Variants in CHCHD6 observed in about 807,000 individuals in gnomAD.
CHCHD6 encodes the protein coiled-coil-helix-coiled-coil-helix domain containing 6.
In CHCHD6, 28 loss-of-function variants were observed where a neutral mutation model predicts 32.3. The observed-to-expected ratio is 0.87, with a 90% CI of 0.64 to 1.19. CHCHD6 has a LOEUF of 1.19. CHCHD6 is among the 50% of genes most tolerant of loss of function. The pLI is 0.00. For synonymous variants in CHCHD6, 122 were observed against 117.5 expected, an observed-to-expected ratio of 1.04 and a Z score of -0.25; for missense variants, 333 against 307.0, an observed-to-expected ratio of 1.08 and a Z score of -0.63.
In CHCHD6 at chr3:126,912,725, C is replaced by A. The variant is rs1266063413; in HGVS notation, c.496-1955C>A. 5.3e-5 allele frequency among the ~76,000 whole-genome samples: 8 copies of A among 152,358 alleles called. No homozygotes were observed. In the East Asian group the frequency reaches 1.5e-3, roughly 29 times the overall value. ...TGGTGGTTCTTCCTCATCACATGAG[C>A]CAGGTGCTCTTCCCCAGGGGCTCAC... On this transcript the variant is annotated intron_variant, in intron 5 of 7. Transcript: ENST00000290913.
intron 4 of CHCHD6, among the ~76,000 whole-genome samples, chr3:126,779,739 G>A (rs1937841655): frequency 6.6e-6 from 1 of 152,090 alleles, no homozygotes; most frequent in Non-Finnish European, 1.5e-5. Context: ...TGGCATGCTT[G>A]TTGAAAGTAA....
intron 5 of CHCHD6, among the ~76,000 whole-genome samples, chr3:126,898,310 G>T (rs142347185): frequency 1.3e-5 from 2 of 152,218 alleles, no homozygotes; most frequent in Admixed American, 6.5e-5. Flanking sequence ...TTATTCCCCA[G>T]CTGGGAAGTC....
chr3:126,754,714 C>G (rs1414936767), intron 4 of CHCHD6, among the ~76,000 whole-genome samples: 2 of 152,240 alleles, frequency 1.3e-5, no homozygotes, highest in Non-Finnish European at 2.9e-5. Flanking sequence ...CCTGATGTCT[C>G]TCTCCTTAGG....
intron 5 of CHCHD6, among the ~76,000 whole-genome samples, chr3:126,879,316 C>T (rs968070153): frequency 1.3e-5 from 2 of 152,172 alleles, no homozygotes. Context: ...GGAGACATTG[C>T]TGTGGCCATT....
At chr3:126,828,453 G>T (rs1421055955) in intron 4 of CHCHD6, among the ~76,000 whole-genome samples, 1 of 152,212 alleles carries the variant, frequency 6.6e-6, no homozygotes, top group East Asian at 1.9e-4. Context: ...TAAGTAAAAG[G>T]GAGTGTGTGA....
At chr3:126,777,864 C>T (rs960873568) in intron 4 of CHCHD6, among the ~76,000 whole-genome samples, 2 of 152,242 alleles carry the variant, frequency 1.3e-5, no homozygotes, top group African/African-American at 4.8e-5. Flanking sequence ...ACCATCACCA[C>T]AGTCAATTTT....
At chr3:126,743,729 G>C (rs574573113) in intron 4 of CHCHD6, among the ~76,000 whole-genome samples, 1 of 152,194 alleles carries the variant, frequency 6.6e-6, no homozygotes, top group Non-Finnish European at 1.5e-5. Flanking sequence ...ACCAACTGGA[G>C]GGGTGATCTG....
At chr3:126,946,489 G>A (rs1199740334) in intron 6 of CHCHD6, among the ~76,000 whole-genome samples, 1 of 152,178 alleles carries the variant, frequency 6.6e-6, no homozygotes, top group Non-Finnish European at 1.5e-5. Context: ...CCTCTTGGGA[G>A]CAATGCACCC....
intron 5 of CHCHD6, among the ~76,000 whole-genome samples, chr3:126,859,690 G>A (rs1341968999): frequency 1.3e-5 from 2 of 152,198 alleles, no homozygotes; most frequent in African/African-American, 4.8e-5. Context: ...TGAAGTAGCT[G>A]TCAGAAGCCA....
intron 5 of CHCHD6, among the ~76,000 whole-genome samples, chr3:126,860,416 A>G (rs1250411084): frequency 1.3e-5 from 2 of 151,636 alleles, no homozygotes. Flanking sequence ...GGACACAGGA[A>G]GGGGAACATC....
At chr3:126,913,415 A>G (rs1040702657) in intron 5 of CHCHD6, among the ~76,000 whole-genome samples, 4 of 150,746 alleles carry the variant, frequency 2.7e-5, no homozygotes, top group Non-Finnish European at 5.9e-5. Context: ...TTGTATTTTT[A>G]GTAGAGATGG....
At chr3:126,815,150 A>G (rs922106796) in intron 4 of CHCHD6, among the ~76,000 whole-genome samples, 1 of 152,198 alleles carries the variant, frequency 6.6e-6, no homozygotes, top group Non-Finnish European at 1.5e-5. Flanking sequence ...CAGTTTGGTG[A>G]TAATGAGCTC....
chr3:126,803,804 T>C (rs542760188), intron 4 of CHCHD6, among the ~76,000 whole-genome samples: 142 of 152,252 alleles, frequency 9.3e-4, no homozygotes, highest in Middle Eastern at 3.4e-3. Flanking sequence ...ATTGACCACA[T>C]AGTTGGAAGT....
chr3:126,781,483 A>G (rs1166027350), intron 4 of CHCHD6, among the ~76,000 whole-genome samples: 26 of 152,168 alleles, frequency 1.7e-4, no homozygotes, highest in Admixed American at 1.7e-3. Context: ...CCTCTAGGAG[A>G]ACACTTAGTT....
At chr3:126,824,185 G>GT (rs1335492156) in intron 4 of CHCHD6, among the ~76,000 whole-genome samples, 6 of 152,030 alleles carry the variant, frequency 3.9e-5, no homozygotes, top group Non-Finnish European at 5.9e-5. Flanking sequence ...TAGCTGGTAG[G>GT]TTTTTTTAGA....
chr3:126,892,198 C>T (rs757693082), intron 5 of CHCHD6, among the ~76,000 whole-genome samples: 10 of 152,196 alleles, frequency 6.6e-5, no homozygotes, highest in Admixed American at 6.5e-5. Flanking sequence ...CCAGCCTGGG[C>T]GGGCTCAGCT....
At chr3:126,820,314 T>C (rs1295827747) in intron 4 of CHCHD6, among the ~76,000 whole-genome samples, 1 of 152,226 alleles carries the variant, frequency 6.6e-6, no homozygotes, top group Non-Finnish European at 1.5e-5. Flanking sequence ...TACATAGGTG[T>C]AATCATGACC....
chr3:126,721,906 GT>G (rs1329067493), intron 1 of CHCHD6, among the ~76,000 whole-genome samples: 1 of 152,126 alleles, frequency 6.6e-6, no homozygotes, highest in African/African-American at 2.4e-5. Flanking sequence ...GTTTCTCCAT[GT>G]TATAATGTGT....
intron 5 of CHCHD6, among the ~76,000 whole-genome samples, chr3:126,863,693 T>C (rs1376718257): frequency 4.3e-4 from 32 of 74,588 alleles, no homozygotes; most frequent in East Asian, 1.2e-3. Context: ...TCCTCCACCA[T>C]CACCACCTCC....
Sources: allele counts gnomAD v4.1 joint callset (sites outside exome capture counted in the v4.1 genomes callset), GRCh38; gene constraint gnomAD v4.1.1; transcripts MANE v1.5; gene names NCBI Gene and HGNC (gene_info 2026-07-23, HGNC 2026-07-21).